The following PCDHGA2 variants were observed in gnomAD, a reference collection of about 807,000 sequenced individuals.
The protein encoded by PCDHGA2 is protocadherin gamma subfamily A, 2, also known as protocadherin gamma-A2.
Under a neutral mutation model 59.2 loss-of-function variants are expected in PCDHGA2, and 40 were observed. The observed-to-expected ratio is 0.68, with a 90% confidence interval of 0.52 to 0.88. The LOEUF is 0.88. Among genes scored for constraint, PCDHGA2 ranks in the 40% least tolerant of loss-of-function variants. PCDHGA2 has a pLI of 0.00. For missense variants in PCDHGA2, 1,226 were observed against 1,204.0 expected, an observed-to-expected ratio of 1.02 and a Z score of -0.27; for synonymous variants, 560 against 526.0, an observed-to-expected ratio of 1.06 and a Z score of -0.89.
chr5:141,415,432 T>G, intron 1 of PCDHGA2: 1 of 1,614,222 alleles, frequency 6.2e-7, no homozygotes, highest in East Asian at 2.2e-5. Flanking sequence ...GGTTCGGGCT[T>G]TCCTGCAGAC....
intron 1 of PCDHGA2, chr5:141,383,409 C>T (rs199780721): frequency 1.2e-6 from 2 of 1,614,010 alleles, no homozygotes; most frequent in Non-Finnish European, 1.7e-6. Flanking sequence ...TCCAGAGTTA[C>T]CAGCTCAGCC....
rs746696159 is a variant in PCDHGA2 at position 141,383,050 on chromosome 5, G to T, written c.2424+41655G>T. 23 of 1,613,778 alleles carry T rather than the reference G, an allele frequency of 1.4e-5. No individual in the cohort carries two copies. The Admixed American group carries it at 1.7e-4, about 12-fold the overall frequency. ...GTCCTTTGTGGGAGACATCGCCAAG[G>T]ACCTGGGGCTGGAGCCCCGGGAGCT... On this transcript the variant is annotated intron_variant, in intron 1 of 3. Transcript: ENST00000394576.
intron 1 of PCDHGA2, chr5:141,371,833 A>G (rs1171503468): frequency 1.2e-6 from 2 of 1,613,634 alleles, no homozygotes; most frequent in African/African-American, 2.7e-5. Flanking sequence ...TCGGATCCCG[A>G]CTTGGGACCT....
Position 141,339,514 on chromosome 5 carries a change from C to A in PCDHGA2, c.543C>A (p.Asp181Glu). 1.2e-6 allele frequency: 2 copies of A among 1,614,126 alleles called. No individual in the cohort carries two copies. Among genetic ancestry groups the A allele is most frequent in the Non-Finnish European group, 1.7e-6 (2 of 1,180,014 alleles). Residue 181 changes from aspartate to glutamate, a missense_variant, in exon 1 of 4, where the codon GAC (aspartate) becomes GAA (glutamate). Coordinates refer to ENST00000394576, the MANE Select transcript of PCDHGA2 (RefSeq NM_018915.4). ...ACCCAAATGACCACTTCTCCCTGGA[C>A]GTGCGAAGGGGAGCTGATGGGAACA... ...ALNPNDHFSL[D>E]VRRGADGNKY...
rs1376069004 is a variant in PCDHGA2 at position 141,457,869 on chromosome 5, G to T, written c.2425-36938G>T. On this transcript the variant is annotated intron_variant, in intron 1 of 3. Transcript: ENST00000394576. ...AAGTGACATTCTTCACTGACCACAG[G>T]TTAGGAACCCTGTGTGGGGACTGTG... 2.0e-5 allele frequency among the ~76,000 whole-genome samples: 3 copies of T among 152,334 alleles called. No individual in the cohort carries two copies. The East Asian group carries it at 5.8e-4, about 29-fold the overall frequency.
Position 141,340,580 on chromosome 5 carries a change from A to G in PCDHGA2, c.1609A>G (p.Ser537Gly), listed in dbSNP as rs1328464150. The G allele has an allele frequency of 1.2e-6, 2 of 1,614,106 alleles. No individual in the cohort carries two copies. Among genetic ancestry groups the G allele is most frequent in the Admixed American group, 1.7e-5 (1 of 60,006 alleles). Residue 537 changes from serine to glycine, a missense_variant, in exon 1 of 4, where the codon AGC becomes GGC. Physicochemically the swap from Ser to Gly is moderately conservative, Grantham distance 56 (BLOSUM62 0). Coordinates refer to ENST00000394576, the MANE Select transcript of PCDHGA2 (RefSeq NM_018915.4). The stretch of plus-strand genomic sequence containing the variant: ...GCAAGTGTGGGTGATAGCGCGGGAC[A>G]GCGGGAACCCTCCACTCAGTAGCAA... ...DLQVWVIARD[S>G]GNPPLSSNVS... is the part of the protein sequence containing the mutation.
chr5:141,495,276 G>A (rs1350329744), intron 2 of PCDHGA2, among the ~76,000 whole-genome samples: 1 of 152,190 alleles, frequency 6.6e-6, no homozygotes, highest in East Asian at 1.9e-4. Flanking sequence ...GACCGGAGGA[G>A]GCGGTCCGCA....
At chr5:141,428,186 CCGCTCTCTGCGCCGCTA>C (rs1167279209) in intron 1 of PCDHGA2, 1 of 1,460,956 alleles carries the variant, frequency 6.8e-7, no homozygotes, top group Admixed American at 1.8e-5. Context: ...AGGACAGCCG[CCGCTCTCTGCGCCGCTA>C]CGCTTCACCT....
At chr5:141,414,802 G>C (rs201378410) in intron 1 of PCDHGA2, 3 of 1,614,108 alleles carry the variant, frequency 1.9e-6, no homozygotes, top group Admixed American at 3.3e-5. Flanking sequence ...CGACAGCGGG[G>C]ATCCTCCACT....
chr5:141,395,380 T>A, intron 1 of PCDHGA2: 2 of 1,112,040 alleles, frequency 1.8e-6, no homozygotes, highest in Non-Finnish European at 2.5e-6. Flanking sequence ...GTGGTGTTAC[T>A]ATAAAATTGA....
At position 141,395,103 on chromosome 5, in the gene PCDHGA2, C is replaced by T. The variant is rs1462569715; in HGVS notation, c.2424+53708C>T. 9 of 1,614,156 alleles carry T rather than the reference C, an allele frequency of 5.6e-6. No homozygotes were observed. The highest frequency in any genetic ancestry group is 1.1e-5 in the South Asian group (1 of 91,074). On this transcript the variant is annotated intron_variant, in intron 1 of 3. Transcript: ENST00000394576. ...GGAAGTCTCCCTCACCGCCGACTCG[C>T]GGAAGAGTCACCTGATCTTTCCCCA... is the stretch of plus-strand genomic sequence containing the variant.
chr5:141,421,842 A>G (rs1209505923), intron 1 of PCDHGA2: 1 of 1,613,744 alleles, frequency 6.2e-7, no homozygotes, highest in Non-Finnish European at 8.5e-7. Context: ...ACCGAGAGAA[A>G]GAGGCTGCTC....
chr5:141,360,551 A>G, intron 1 of PCDHGA2: 5 of 1,613,988 alleles, frequency 3.1e-6, no homozygotes, highest in Non-Finnish European at 4.2e-6. Context: ...ACTAAGATTA[A>G]TTTAAAAATT....
intron 1 of PCDHGA2, chr5:141,341,659 G>GC: frequency 4.6e-6 from 3 of 657,222 alleles, no homozygotes; most frequent in East Asian, 2.8e-5. Context: ...AGGAACTAGG[G>GC]TGTCTGGTTT....
At chr5:141,422,989 C>T (rs777558098) in intron 1 of PCDHGA2, 1 of 1,614,232 alleles carries the variant, frequency 6.2e-7, no homozygotes, top group African/African-American at 1.3e-5. Flanking sequence ...ACCTGGCTAC[C>T]TGGTGACCAA....
Position 141,370,733 on chromosome 5 carries a change from T to C in PCDHGA2, c.2424+29338T>C, listed in dbSNP as rs764261281. On this transcript the variant is annotated intron_variant, in intron 1 of 3. Coordinates refer to ENST00000394576, the MANE Select transcript of PCDHGA2 (RefSeq NM_018915.4). Reference sequence around the variant, plus strand: ...AATTTGAAATGGTTGCTGAAAAGCCTTTAAACTTTTTTCATGTAACTGTGC... The same window carrying C: ...AATTTGAAATGGTTGCTGAAAAGCCCTTAAACTTTTTTCATGTAACTGTGC... The C allele has an allele frequency of 1.2e-4, 186 of 1,613,884 alleles. No homozygotes were observed. The Admixed American group carries it at 1.2e-3, about 10-fold the overall frequency.
At chr5:141,449,567 C>T (rs1412647192) in intron 1 of PCDHGA2, among the ~76,000 whole-genome samples, 2 of 133,846 alleles carry the variant, frequency 1.5e-5, no homozygotes, top group Non-Finnish European at 3.1e-5. Context: ...CCAGCCTGGG[C>T]GACAGAGCAA....
chr5:141,398,668 A>G, intron 1 of PCDHGA2: 1 of 1,614,026 alleles, frequency 6.2e-7, no homozygotes, highest in Non-Finnish European at 8.5e-7. Context: ...TTTCTCATTA[A>G]TAATTAAGGA....
In PCDHGA2 at chr5:141,485,701, A is replaced by G. The variant is rs747748476; in HGVS notation, c.2425-9106A>G. The G allele has an allele frequency of 1.9e-6, 3 of 1,614,104 alleles. No homozygotes were observed. Among genetic ancestry groups the G allele is most frequent in the Non-Finnish European group, 2.5e-6 (3 of 1,180,010 alleles). On this transcript the variant is annotated intron_variant, in intron 1 of 3. Transcript: ENST00000394576. The surrounding 1 kb of genome is among the most constrained non-coding windows in gnomAD (Gnocchi z 5.7). ...GCAGCTATAGGCTGAGCTCCAATGAACACTTTGCACTGGATGTGAAGAAGC... is the reference window on the plus strand; with the variant it reads ...GCAGCTATAGGCTGAGCTCCAATGAGCACTTTGCACTGGATGTGAAGAAGC...
Sources: allele counts gnomAD v4.1 joint callset (sites outside exome capture counted in the v4.1 genomes callset), GRCh38; gene constraint gnomAD v4.1.1; non-coding constraint Gnocchi (gnomAD v3.1); transcripts MANE v1.5; gene names NCBI Gene and HGNC (gene_info 2026-07-23, HGNC 2026-07-21).